SPIDR: variants seen among roughly 807,000 people sequenced by gnomAD.
SPIDR encodes the protein DNA repair-scaffolding protein.
In SPIDR, 93 loss-of-function variants were observed where a neutral mutation model predicts 104.6. That is an observed-to-expected ratio of 0.89 (90% CI 0.75 to 1.06). The LOEUF is 1.06. Among genes scored for constraint, SPIDR ranks in the 50% least tolerant of loss-of-function variants. SPIDR has a pLI of 0.00. For synonymous variants in SPIDR, 431 were observed against 416.9 expected (o/e 1.03, Z -0.41); for missense variants, 1,154 against 1,111.2 (o/e 1.04, Z -0.55).
intron 5 of SPIDR, among the ~76,000 whole-genome samples, chr8:47,360,284 C>T (rs1047153131): frequency 1.4e-5 from 2 of 141,670 alleles, no homozygotes; most frequent in African/African-American, 2.6e-5. Flanking sequence ...AATAGAGGGA[C>T]TGCCTTTCCC....
At chr8:47,401,827 C>T (rs1231897907) in intron 6 of SPIDR, among the ~76,000 whole-genome samples, 1 of 152,186 alleles carries the variant, frequency 6.6e-6, no homozygotes, top group Non-Finnish European at 1.5e-5. Context: ...CACCCAGATT[C>T]ATAAAGCAAG....
intron 10 of SPIDR, among the ~76,000 whole-genome samples, chr8:47,626,043 T>C (rs1162959102): frequency 6.6e-6 from 1 of 152,144 alleles, no homozygotes; most frequent in African/African-American, 2.4e-5. Context: ...AACAGAGATA[T>C]AGACCAATGG....
At chr8:47,304,776 A>C (rs2042839176) in intron 5 of SPIDR, among the ~76,000 whole-genome samples, 1 of 152,236 alleles carries the variant, frequency 6.6e-6, no homozygotes, top group Non-Finnish European at 1.5e-5. Flanking sequence ...CTTTATACCA[A>C]TGTGAGAATG....
At chr8:47,723,424 CTT>C (rs1172759816) in intron 16 of SPIDR, among the ~76,000 whole-genome samples, 2 of 129,394 alleles carry the variant, frequency 1.5e-5, no homozygotes. Context: ...ATCAATTATA[CTT>C]TTTTTTTTTT....
chr8:47,364,782 C>T (rs2056867648), intron 5 of SPIDR, among the ~76,000 whole-genome samples: 1 of 152,184 alleles, frequency 6.6e-6, no homozygotes, highest in South Asian at 2.1e-4. Flanking sequence ...TGCCTGTAAT[C>T]ATTACCTTTT....
intron 7 of SPIDR, among the ~76,000 whole-genome samples, chr8:47,409,804 G>A (rs1165015723): frequency 6.6e-6 from 1 of 152,188 alleles, no homozygotes; most frequent in Non-Finnish European, 1.5e-5. Context: ...CAAGACGGGA[G>A]GATCACTTGA....
intron 5 of SPIDR, among the ~76,000 whole-genome samples, chr8:47,297,999 T>G (rs2041222516): frequency 6.6e-6 from 1 of 152,210 alleles, no homozygotes; most frequent in Non-Finnish European, 1.5e-5. Context: ...GGTCAAATGG[T>G]ATTTCTAGTT....
intron 7 of SPIDR, among the ~76,000 whole-genome samples, chr8:47,421,773 T>C (rs2065514617): frequency 1.3e-5 from 2 of 152,228 alleles, no homozygotes; most frequent in Admixed American, 1.3e-4. Context: ...GATGGTGACG[T>C]ACAGATGGGG....
intron 11 of SPIDR, among the ~76,000 whole-genome samples, chr8:47,687,428 A>G (rs987898967): frequency 3.3e-5 from 5 of 152,184 alleles, no homozygotes; most frequent in African/African-American, 9.7e-5. Context: ...CCCTCTCCTG[A>G]TAGACATTCA....
chr8:47,734,467 A>C (rs1031859416), intron 19 of SPIDR, among the ~76,000 whole-genome samples: 2 of 152,164 alleles, frequency 1.3e-5, no homozygotes, highest in South Asian at 4.2e-4. Flanking sequence ...CCATGACACC[A>C]TAACGATGGG....
chr8:47,555,885 C>T lies in SPIDR; in HGVS notation c.1098-39926C>T, dbSNP rs998120963. Among the ~76,000 whole-genome samples, 16 of 152,194 alleles carry T rather than the reference C, an allele frequency of 1.1e-4. 1 individual carries two copies. Among genetic ancestry groups the T allele is most frequent in the Admixed American group, 1.0e-3 (16 of 15,274 alleles). Reference sequence around the variant, plus strand: ...ATTTTGGACAGTTATCAGAGCCTTACTTTTTCATTCATCAAGTCAGAATGT... The same window carrying T: ...ATTTTGGACAGTTATCAGAGCCTTATTTTTTCATTCATCAAGTCAGAATGT... On this transcript the variant is annotated intron_variant, in intron 8 of 19. Coordinates refer to ENST00000297423, the MANE Select transcript of SPIDR (RefSeq NM_001080394.4).
chr8:47,408,037 T>C, intron 7 of SPIDR, 76 bp downstream of exon 7: 1 of 728,016 alleles, frequency 1.4e-6, no homozygotes, highest in South Asian at 2.4e-5. Flanking sequence ...TTAAAATATA[T>C]GAAGTTAATT....
At chr8:47,728,859 A>C in intron 17 of SPIDR, 74 bp from the exon 18 acceptor site, 1 of 1,515,288 alleles carries the variant, frequency 6.6e-7, no homozygotes. Flanking sequence ...ATGTTTAAGA[A>C]AATGTCTCCC....
intron 8 of SPIDR, among the ~76,000 whole-genome samples, chr8:47,540,367 A>C (rs7003614): frequency 0.028 from 4,325 of 152,352 alleles, 213 homozygotes; most frequent in African/African-American, 0.097. Context: ...GGTTATTTTA[A>C]CTTACTTTTG....
intron 8 of SPIDR, among the ~76,000 whole-genome samples, chr8:47,543,886 T>A (rs1228941477): frequency 6.6e-6 from 1 of 152,188 alleles, no homozygotes; most frequent in African/African-American, 2.4e-5. Flanking sequence ...GAGCCTGGTT[T>A]TGGCCTCAGA....
At chr8:47,404,285 C>G (rs930856146) in intron 6 of SPIDR, among the ~76,000 whole-genome samples, 1 of 152,216 alleles carries the variant, frequency 6.6e-6, no homozygotes, top group African/African-American at 2.4e-5. Context: ...AGGCCATAGG[C>G]AAGGGCAAGG....
At chr8:47,317,764 T>A (rs2045681909) in intron 5 of SPIDR, among the ~76,000 whole-genome samples, 1 of 151,952 alleles carries the variant, frequency 6.6e-6, no homozygotes, top group Non-Finnish European at 1.5e-5. Flanking sequence ...AGAGGAACAA[T>A]CAGGCAGCAA....
At chr8:47,651,930 A>G (rs964242237) in intron 10 of SPIDR, among the ~76,000 whole-genome samples, 4 of 152,184 alleles carry the variant, frequency 2.6e-5, no homozygotes, top group African/African-American at 9.7e-5. Context: ...ACAAAGTGAT[A>G]TAATGCACTA....
rs147875282 is a variant in SPIDR at position 47,361,779 on chromosome 8, A to C, written c.526-34597A>C. 3.8e-3 allele frequency among the ~76,000 whole-genome samples: 577 copies of C among 152,338 alleles called. 2 individuals are homozygous for C. Among genetic ancestry groups the C allele is most frequent in the South Asian group, 0.014 (66 of 4,830 alleles). On this transcript the variant is annotated intron_variant, in intron 5 of 19. Coordinates refer to ENST00000297423, the MANE Select transcript of SPIDR (RefSeq NM_001080394.4). The stretch of plus-strand genomic sequence containing the variant: ...TTAGGGGAGATGAGGAATGTAAGAC[A>C]GATGAGGGCAGGCAAGGACAGGAGC...
Sources: allele counts gnomAD v4.1 joint callset (sites outside exome capture counted in the v4.1 genomes callset), GRCh38; gene constraint gnomAD v4.1.1; transcripts MANE v1.5; gene names NCBI Gene and HGNC (gene_info 2026-07-23, HGNC 2026-07-21).